The following ZCWPW2 variants were observed in gnomAD, a reference collection of about 807,000 sequenced individuals.
ZCWPW2 encodes the protein zinc finger CW-type and PWWP domain containing 2, also known as zinc finger CW-type PWWP domain protein 2.
A neutral mutation model predicts 46.6 loss-of-function variants in ZCWPW2; 45 were observed. That is an observed-to-expected ratio of 0.96 (90% confidence interval 0.76 to 1.24). The LOEUF is 1.24. Ranked by LOEUF, ZCWPW2 falls within the 50% of genes most tolerant of loss-of-function variation. ZCWPW2 has a pLI of 0.00. For missense variants in ZCWPW2, 429 were observed against 403.9 expected (o/e 1.06, Z -0.53); for synonymous variants, 152 against 137.1 (o/e 1.11, Z -0.76).
At chr3:28,523,688 C>T (rs1017147917) in intron 9 of ZCWPW2, among the ~76,000 whole-genome samples, 2 of 151,990 alleles carry the variant, frequency 1.3e-5, no homozygotes, top group Non-Finnish European at 2.9e-5. Flanking sequence ...AGAGTAAAAA[C>T]ATGGAAAAAA....
intron 8 of ZCWPW2, among the ~76,000 whole-genome samples, chr3:28,519,989 G>C (rs1700678684): frequency 6.7e-6 from 1 of 150,300 alleles, no homozygotes; most frequent in Non-Finnish European, 1.5e-5. Flanking sequence ...TGAATTACCA[G>C]ATTTTTTTTT....
At chr3:28,495,193 A>C (rs540980413) in intron 6 of ZCWPW2, among the ~76,000 whole-genome samples, 1 of 152,210 alleles carries the variant, frequency 6.6e-6, no homozygotes, top group African/African-American at 2.4e-5. Context: ...ACAAGGCTAC[A>C]GTAACCAAAA....
chr3:28,386,320 A>G (rs1425577802), intron 1 of ZCWPW2, among the ~76,000 whole-genome samples: 2 of 152,192 alleles, frequency 1.3e-5, no homozygotes, highest in Admixed American at 6.5e-5. Flanking sequence ...CAAGCCAGAA[A>G]GAGAGCCCTC....
chr3:28,520,979 C>A lies in ZCWPW2; in HGVS notation c.785-13C>A, dbSNP rs933191137. 2 of 1,612,660 alleles carry A rather than the reference C, an allele frequency of 1.2e-6. No individual in the cohort carries two copies. The highest frequency in any genetic ancestry group is 1.7e-6 in the Non-Finnish European group (2 of 1,179,458). On this transcript the variant is annotated splice_polypyrimidine_tract_variant and intron_variant, in intron 8 of 9. Coordinates refer to ENST00000383768, the MANE Select transcript of ZCWPW2 (RefSeq NM_001040432.4). ...GATGTAGCATTTTTACTGTATTAATCCTGTTTTTTTAGTTGTCTGTGAGAC... is the reference window on the plus strand; with the variant it reads ...GATGTAGCATTTTTACTGTATTAATACTGTTTTTTTAGTTGTCTGTGAGAC...
chr3:28,356,337 AAT>A (rs144403273), intron 1 of ZCWPW2, among the ~76,000 whole-genome samples: 73,435 of 151,852 alleles, frequency 0.48, 18,286 homozygotes, highest in Non-Finnish European at 0.53. Flanking sequence ...GCAGTCATTA[AAT>A]AAAGTCAGGA....
At chr3:28,482,908 A>G (rs1487343196) in intron 5 of ZCWPW2, among the ~76,000 whole-genome samples, 1 of 152,120 alleles carries the variant, frequency 6.6e-6, no homozygotes, top group African/African-American at 2.4e-5. Context: ...TCGCTCTTTT[A>G]TAGGTCTTCT....
chr3:28,374,198 C>T (rs1705429591), intron 1 of ZCWPW2, among the ~76,000 whole-genome samples: 1 of 152,044 alleles, frequency 6.6e-6, no homozygotes, highest in Admixed American at 6.6e-5. Context: ...TAATTTTATT[C>T]TTTTGCATAT....
chr3:28,434,223 A>C (rs1435180537), intron 3 of ZCWPW2, among the ~76,000 whole-genome samples: 1 of 152,082 alleles, frequency 6.6e-6, no homozygotes, highest in African/African-American at 2.4e-5. Flanking sequence ...GGGTTTTCTC[A>C]CTTCAGAGGT....
At chr3:28,520,845 A>G (rs1700702458) in intron 8 of ZCWPW2, 147 bp from the exon 9 acceptor site, 1 of 904,476 alleles carries the variant, frequency 1.1e-6, no homozygotes, top group African/African-American at 1.7e-5. Flanking sequence ...TGTATCAGGA[A>G]GAAGTCATGT....
At chr3:28,518,536 T>C (rs968503419) in intron 8 of ZCWPW2, among the ~76,000 whole-genome samples, 1 of 152,220 alleles carries the variant, frequency 6.6e-6, no homozygotes, top group Admixed American at 6.5e-5. Flanking sequence ...CAGGTTGGTG[T>C]TGTAAACCCT....
In ZCWPW2 at chr3:28,524,566, T is replaced by C. The variant is rs1486529653; in HGVS notation, c.949T>C (p.Phe317Leu). The C allele has an allele frequency of 3.7e-6, 6 of 1,607,830 alleles. No individual in the cohort carries two copies. Among genetic ancestry groups the C allele is most frequent in the Non-Finnish European group, 4.2e-6 (5 of 1,177,422 alleles). ...CSPEAPAGSL[F>L]ENHYEEDYLV... ...CCCAGAAGCTCCTGCAGGCAGTCTG[T>C]TTGAAAACCACTATGAAGAGGACTA... is the stretch of plus-strand genomic sequence containing the variant. The change falls in exon 10 of 10, where the codon TTT becomes CTT. Residue 317 changes from phenylalanine to leucine, a missense_variant. Phe to Leu is a conservative substitution (Grantham distance 22). Transcript: ENST00000383768.
chr3:28,523,436 T>C (rs1287989328), intron 9 of ZCWPW2, among the ~76,000 whole-genome samples: 1 of 152,126 alleles, frequency 6.6e-6, no homozygotes, highest in African/African-American at 2.4e-5. Flanking sequence ...AAATAATTAA[T>C]ATGTCTCCCA....
At chr3:28,384,623 T>C (rs1018326314) in intron 1 of ZCWPW2, among the ~76,000 whole-genome samples, 1 of 150,306 alleles carries the variant, frequency 6.7e-6, no homozygotes, top group Non-Finnish European at 1.5e-5. Context: ...TCTTTTTTTT[T>C]TTTTTTTGAG....
intron 4 of ZCWPW2, among the ~76,000 whole-genome samples, chr3:28,449,697 TA>T (rs1698148760): frequency 6.6e-6 from 1 of 152,204 alleles, no homozygotes; most frequent in African/African-American, 2.4e-5. Flanking sequence ...TTTATCATGA[TA>T]AAAAATTACA....
chr3:28,476,216 G>A (rs1174258736), intron 4 of ZCWPW2, among the ~76,000 whole-genome samples: 1 of 151,824 alleles, frequency 6.6e-6, no homozygotes. Context: ...CCTGGGATGG[G>A]AAAGAAGGCA....
intron 4 of ZCWPW2, among the ~76,000 whole-genome samples, chr3:28,452,419 C>T (rs1008808356): frequency 3.9e-5 from 6 of 152,240 alleles, no homozygotes; most frequent in East Asian, 1.9e-4. Context: ...CTTCAGCCTC[C>T]GGAGTAGCAG....
intron 1 of ZCWPW2, among the ~76,000 whole-genome samples, chr3:28,370,649 G>A (rs1040150662): frequency 1.3e-5 from 2 of 152,170 alleles, no homozygotes; most frequent in African/African-American, 4.8e-5. Context: ...TTGGTTACAT[G>A]ACTATATTCA....
intron 1 of ZCWPW2, among the ~76,000 whole-genome samples, chr3:28,356,051 A>C (rs74937367): frequency 6.6e-6 from 1 of 152,244 alleles, no homozygotes; most frequent in East Asian, 1.9e-4. Flanking sequence ...CTACCATCAC[A>C]GTGAATGGGA....
intron 5 of ZCWPW2, among the ~76,000 whole-genome samples, chr3:28,485,690 A>C (rs1575192956): frequency 6.6e-6 from 1 of 152,150 alleles, no homozygotes; most frequent in Non-Finnish European, 1.5e-5. Flanking sequence ...CTCTGTTTCA[A>C]ATTAATATAA....
Sources: gnomAD v4.1 joint callset for allele counts (sites outside exome capture counted in the v4.1 genomes callset) on GRCh38, gnomAD v4.1.1 for gene constraint, MANE v1.5 for transcripts, NCBI Gene and HGNC (gene_info 2026-07-23, HGNC 2026-07-21) for gene names.